Variants in MBLAC2 observed in about 807,000 individuals in gnomAD.
MBLAC2 encodes the protein metallo-beta-lactamase domain containing 2.
A neutral mutation model predicts 23.3 loss-of-function variants in MBLAC2; 24 were observed. The ratio of observed to expected loss-of-function variants is 1.03; its 90% CI spans 0.75 to 1.45. The LOEUF (loss-of-function observed/expected upper bound fraction) is 1.45, where lower values mean the gene tolerates loss of function less well. Among genes scored for constraint, MBLAC2 ranks in the 40% most tolerant of loss-of-function variants. MBLAC2 has a pLI of 0.00. For synonymous variants in MBLAC2, 162 were observed against 150.9 expected, an observed-to-expected ratio of 1.07 and a Z score of -0.54; for missense variants, 358 against 370.0, an observed-to-expected ratio of 0.97 and a Z score of 0.27.
chr5:90,461,735 A>G (rs1184792570), intron 1 of MBLAC2, among the ~76,000 whole-genome samples, 183 bp from the exon 2 acceptor site: 2 of 152,248 alleles, frequency 1.3e-5, no homozygotes, highest in Non-Finnish European at 2.9e-5. Context: ...ATTGTTTGCT[A>G]GACCAGTGTT....
chr5:90,471,076 T>A (rs1369405648), intron 1 of MBLAC2, among the ~76,000 whole-genome samples: 1 of 152,188 alleles, frequency 6.6e-6, no homozygotes, highest in African/African-American at 2.4e-5. Context: ...GCTGGCATAG[T>A]ATAAAACTGT....
At chr5:90,465,374 G>C (rs1750430779) in intron 1 of MBLAC2, among the ~76,000 whole-genome samples, 1 of 152,138 alleles carries the variant, frequency 6.6e-6, no homozygotes, top group Non-Finnish European at 1.5e-5. Context: ...AGGAGAGATA[G>C]GCTATGCTTA....
chr5:90,459,270 C>G lies in MBLAC2; in HGVS notation c.*1897G>C, dbSNP rs896208098. On this transcript the variant is annotated 3_prime_UTR_variant, in exon 2 of 2. Transcript: ENST00000316610. The stretch of plus-strand genomic sequence containing the variant: ...ATTCTGTTAATATAATTGAACCAAT[C>G]ATACCCTCCTTTTTGATTGAAGTAA... The G allele has an allele frequency of 1.3e-5, 2 of 152,538 alleles. No homozygotes were observed. Among genetic ancestry groups the G allele is most frequent in the Non-Finnish European group, 2.9e-5 (2 of 67,978 alleles). The allele number at this position is 152,538 out of a possible 1,614,324, so 9.4% of individuals were successfully genotyped here. A position where few individuals can be genotyped will look rare whatever the true frequency, so the allele number is the denominator to read the frequency against.
rs1453705261 is a variant in MBLAC2 at position 90,460,803 on chromosome 5, T to C, written c.*364A>G. 5.9e-6 allele frequency: 1 copy of C among 168,618 alleles called. No homozygotes were observed. The highest frequency in any genetic ancestry group is 1.3e-5 in the Non-Finnish European group (1 of 77,902). The allele number at this position is 168,618 out of a possible 1,614,324, so 10.4% of individuals were successfully genotyped here. ...TATCAAGTTTAAAGTATAAACATAA[T>C]ACTCTACATGCCTTTTTTTCCCTAG... On this transcript the variant is annotated 3_prime_UTR_variant, in exon 2 of 2. Coordinates refer to ENST00000316610, the MANE Select transcript of MBLAC2 (RefSeq NM_203406.2).
chr5:90,464,304 T>C (rs1259794071), intron 1 of MBLAC2, among the ~76,000 whole-genome samples: 1 of 152,168 alleles, frequency 6.6e-6, no homozygotes, highest in Non-Finnish European at 1.5e-5. Flanking sequence ...CCTGGTGCGG[T>C]AGCTCACTCC....
intron 1 of MBLAC2, among the ~76,000 whole-genome samples, chr5:90,465,233 C>T (rs1009851759): frequency 2.6e-5 from 4 of 152,032 alleles, no homozygotes; most frequent in Non-Finnish European, 4.4e-5. Context: ...AGACATTTGA[C>T]TCAAAATAGC....
At chr5:90,463,352 A>C (rs1750397756) in intron 1 of MBLAC2, among the ~76,000 whole-genome samples, 1 of 152,222 alleles carries the variant, frequency 6.6e-6, no homozygotes, top group African/African-American at 2.4e-5. Flanking sequence ...TGGCCTCCCA[A>C]AGTGCTGGGA....
intron 1 of MBLAC2, among the ~76,000 whole-genome samples, chr5:90,468,715 T>C (rs1321351757): frequency 1.3e-5 from 2 of 152,014 alleles, no homozygotes; most frequent in African/African-American, 4.8e-5. Flanking sequence ...AAAATTGAAA[T>C]TGTATCAAGT....
chr5:90,471,223 C>A (rs898378425), intron 1 of MBLAC2, among the ~76,000 whole-genome samples: 2 of 152,110 alleles, frequency 1.3e-5, no homozygotes, highest in African/African-American at 4.8e-5. Flanking sequence ...CTGTTCAATC[C>A]ACCACCTTCC....
Position 90,459,320 on chromosome 5 carries a change from G to A in MBLAC2, c.*1847C>T, listed in dbSNP as rs1372821276. The stretch of plus-strand genomic sequence containing the variant: ...AAGGTTCATTTGGTGGCATGTGGCA[G>A]TTCAGCTTGTCTCCCATTAACAATG... On this transcript the variant is annotated 3_prime_UTR_variant, in exon 2 of 2. Coordinates refer to ENST00000316610, the MANE Select transcript of MBLAC2 (RefSeq NM_203406.2). 6.6e-6 allele frequency: 1 copy of A among 152,360 alleles called. No homozygotes were observed. The highest frequency in any genetic ancestry group is 2.4e-5 in the African/African-American group (1 of 41,442). 9.4% of individuals were successfully genotyped at this position (152,360 alleles called of 1,614,324 possible).
chr5:90,473,598 T>A (rs1280596634), intron 1 of MBLAC2: 2 of 662,164 alleles, frequency 3.0e-6, no homozygotes, highest in East Asian at 5.5e-5. Flanking sequence ...GGTGCCGGCT[T>A]TCAAAGGAGT....
Position 90,460,924 on chromosome 5 carries a change from T to C in MBLAC2, c.*243A>G. Reference sequence around the variant, plus strand: ...TCCCCATAAACCTTTATGTCATTTCTAGAGCATATATTACAAGATGACAGC... The same window carrying C: ...TCCCCATAAACCTTTATGTCATTTCCAGAGCATATATTACAAGATGACAGC... On this transcript the variant is annotated 3_prime_UTR_variant, in exon 2 of 2. Transcript: ENST00000316610. The C allele has an allele frequency of 2.7e-6, 1 of 374,190 alleles. No homozygotes were observed. Among genetic ancestry groups the C allele is most frequent in the East Asian group, 4.5e-5 (1 of 22,182 alleles). The allele number at this position is 374,190 out of a possible 1,614,324, so 23.2% of individuals were successfully genotyped here. A position where few individuals can be genotyped will look rare whatever the true frequency, so the allele number is the denominator to read the frequency against.
intron 1 of MBLAC2, among the ~76,000 whole-genome samples, chr5:90,465,260 T>C (rs1363915209): frequency 6.6e-6 from 1 of 152,082 alleles, no homozygotes; most frequent in Non-Finnish European, 1.5e-5. Context: ...AAGAATAAAA[T>C]ACTTGGGAAA....
chr5:90,473,750 G>A, intron 1 of MBLAC2, 89 bp downstream of exon 1: 1 of 1,290,840 alleles, frequency 7.7e-7, no homozygotes, highest in African/African-American at 1.5e-5. Context: ...CCCCTTTATG[G>A]CCACGCAAGT....
intron 1 of MBLAC2, among the ~76,000 whole-genome samples, chr5:90,467,573 T>A (rs1205973724): frequency 6.6e-6 from 1 of 152,162 alleles, no homozygotes; most frequent in African/African-American, 2.4e-5. Flanking sequence ...TCTTTATGTG[T>A]TAGGTGAGTT....
chr5:90,468,095 A>G (rs977338217), intron 1 of MBLAC2, among the ~76,000 whole-genome samples: 1 of 152,124 alleles, frequency 6.6e-6, no homozygotes, highest in Non-Finnish European at 1.5e-5. Context: ...TACAGGTTAC[A>G]TGATGCTTTT....
At chr5:90,467,892 T>C (rs1047182964) in intron 1 of MBLAC2, among the ~76,000 whole-genome samples, 8 of 152,194 alleles carry the variant, frequency 5.3e-5, no homozygotes, top group Admixed American at 2.6e-4. Flanking sequence ...GTTCTTGTAG[T>C]GATGGCTTGG....
chr5:90,463,043 T>C (rs941173001), intron 1 of MBLAC2, among the ~76,000 whole-genome samples: 2 of 152,224 alleles, frequency 1.3e-5, no homozygotes, highest in Non-Finnish European at 2.9e-5. Context: ...ATAATTAAAT[T>C]AGAAATAACA....
chr5:90,471,169 TCA>T (rs781336383), intron 1 of MBLAC2, among the ~76,000 whole-genome samples: 13 of 152,220 alleles, frequency 8.5e-5, no homozygotes, highest in Non-Finnish European at 5.9e-5. Flanking sequence ...CACGATTTTT[TCA>T]CAGTTCAACA....
Sources: gnomAD v4.1 joint callset for allele counts (sites outside exome capture counted in the v4.1 genomes callset) on GRCh38, gnomAD v4.1.1 for gene constraint, MANE v1.5 for transcripts, NCBI Gene and HGNC (gene_info 2026-07-23, HGNC 2026-07-21) for gene names.